Variants in PARVG observed in about 807,000 individuals in gnomAD.
PARVG encodes the protein gamma-parvin.
In PARVG, 36 loss-of-function variants were observed where a neutral mutation model predicts 44.4. The observed-to-expected ratio is 0.81, with a 90% confidence interval of 0.62 to 1.07. The LOEUF (loss-of-function observed/expected upper bound fraction) is 1.07, where lower values mean the gene tolerates loss of function less well. Among genes scored for constraint, PARVG ranks in the 50% least tolerant of loss-of-function variants. The pLI, the probability that PARVG is intolerant of heterozygous loss-of-function variation, is 0.00. For synonymous variants in PARVG, 170 were observed against 174.1 expected (o/e 0.98, Z 0.19); for missense variants, 407 against 407.4 (o/e 1.00, Z 0.01).
chr22:44,189,634 T>C (rs2054521566), intron 6 of PARVG, among the ~76,000 whole-genome samples: 1 of 152,178 alleles, frequency 6.6e-6, no homozygotes, highest in Admixed American at 6.5e-5. Flanking sequence ...TGAGTGTGCC[T>C]GGTCGGGTGT....
intron 3 of PARVG, chr22:44,184,178 G>A (rs1022532690): frequency 4.7e-4 from 72 of 152,608 alleles, no homozygotes; most frequent in African/African-American, 1.6e-3. Flanking sequence ...AGGAAGCAGC[G>A]AGATGTCCCA....
At chr22:44,188,191 AC>A in intron 5 of PARVG, 2 of 386,854 alleles carry the variant, frequency 5.2e-6, no homozygotes, top group Non-Finnish European at 4.9e-6. Flanking sequence ...TAACAAAAGA[AC>A]CCATGATCCC....
chr22:44,202,134 T>G (rs1445119947), intron 12 of PARVG, among the ~76,000 whole-genome samples: 1 of 152,170 alleles, frequency 6.6e-6, no homozygotes, highest in Non-Finnish European at 1.5e-5. Context: ...AGGAAACAGT[T>G]GAGAGAGGCA....
intron 9 of PARVG, among the ~76,000 whole-genome samples, chr22:44,195,052 C>T (rs2054600553): frequency 6.6e-6 from 1 of 152,174 alleles, no homozygotes; most frequent in African/African-American, 2.4e-5. Flanking sequence ...GGGCACCTTC[C>T]CTGCAGAGGT....
At chr22:44,183,094 C>CGCCCTCAGCTTCTGTGCCT (rs1569177691) in intron 2 of PARVG, 2 of 521,062 alleles carry the variant, frequency 3.8e-6, no homozygotes, top group Non-Finnish European at 6.7e-6. Flanking sequence ...TGGCTGTGCC[C>CGCCCTCAGCTTCTGTGCCT]GCCCTCAGCT....
intron 5 of PARVG, chr22:44,188,109 G>A: frequency 1.7e-6 from 1 of 581,992 alleles, no homozygotes; most frequent in Non-Finnish European, 3.1e-6. Context: ...GCCAGGGTTG[G>A]TGCTCTTTCT....
intron 2 of PARVG, chr22:44,183,045 T>C (rs1309279456): frequency 2.6e-5 from 12 of 458,502 alleles, no homozygotes; most frequent in Non-Finnish European, 4.2e-5. Context: ...GCTCTGCACC[T>C]GCCTGAGGAA....
rs1007719712 is a variant in PARVG at position 44,182,666 on chromosome 22, C to T, written c.-12-652C>T. On this transcript the variant is annotated intron_variant, in intron 2 of 13. Coordinates refer to ENST00000444313, the MANE Select transcript of PARVG (RefSeq NM_022141.7). The surrounding 1 kb of genome is among the most constrained non-coding windows in gnomAD (Gnocchi z 4.6). ...AGGGAGGAAGAGGGAGGCCAGAAGG[C>T]GCCAGCCGAGCCAGCGAAGCCTTCA... Among the ~76,000 whole-genome samples the T allele has an allele frequency of 1.3e-5, 2 of 152,268 alleles. No individual in the cohort carries two copies. Among genetic ancestry groups the T allele is most frequent in the Middle Eastern group, 3.4e-3 (1 of 294 alleles).
chr22:44,185,655 C>T (rs1361942667), intron 3 of PARVG, 153 bp from the exon 4 acceptor site: 3 of 607,482 alleles, frequency 4.9e-6, no homozygotes, highest in Non-Finnish European at 8.9e-6. Flanking sequence ...AGCTGGTGTT[C>T]GTGAGGGAAA....
At chr22:44,187,529 A>G in intron 4 of PARVG, 1 of 567,800 alleles carries the variant, frequency 1.8e-6, no homozygotes, top group Non-Finnish European at 3.2e-6. Flanking sequence ...CTAAAACCTC[A>G]CACATGATAA....
Position 44,206,779 on chromosome 22 carries a change from G to A in PARVG, c.*353G>A, listed in dbSNP as rs977857589. The A allele has an allele frequency of 5.2e-5, 15 of 287,790 alleles. No homozygotes were observed. Among genetic ancestry groups the A allele is most frequent in the Admixed American group, 4.2e-4 (8 of 19,170 alleles). 17.8% of individuals were successfully genotyped at this position (287,790 alleles called of 1,614,324 possible). ...CAGGCTAGTGACCGCCCAGAGAGGTGGCATCACTCAGGGCTGGGGACTCTC... is the reference window on the plus strand; with the variant it reads ...CAGGCTAGTGACCGCCCAGAGAGGTAGCATCACTCAGGGCTGGGGACTCTC... On this transcript the variant is annotated 3_prime_UTR_variant, in exon 14 of 14. Transcript: ENST00000444313.
chr22:44,173,083 A>G, exon 1 of PARVG: 3 of 1,289,646 alleles, frequency 2.3e-6, no homozygotes, highest in Non-Finnish European at 3.0e-6. Flanking sequence ...ATTGGACAGG[A>G]GCTGGGGGAA....
intron 5 of PARVG, chr22:44,188,606 A>G (rs1167521508): frequency 1.2e-5 from 2 of 163,456 alleles, no homozygotes; most frequent in Non-Finnish European, 2.7e-5. Context: ...GGTGCAGTTC[A>G]TCCTCAGAAT....
intron 13 of PARVG, 24 bp from the exon 14 acceptor site, chr22:44,206,293 G>A (rs774474956): frequency 3.2e-6 from 5 of 1,577,942 alleles, no homozygotes; most frequent in Admixed American, 1.7e-5. Flanking sequence ...CTGACTGGCT[G>A]CCCTGCCCTC....
intron 13 of PARVG, 82 bp downstream of exon 13, chr22:44,205,911 A>T (rs2054774685): frequency 6.7e-7 from 1 of 1,487,020 alleles, no homozygotes; most frequent in Non-Finnish European, 9.2e-7. Context: ...GGTGCAGGGC[A>T]TTGGGGGATG....
chr22:44,181,634 C>G lies in PARVG; in HGVS notation c.-188-108C>G, dbSNP rs967262422. ...TTGAGTTTAAGTGGCCTGCAGAACC[C>G]CGGGGGCCCAGGCGGCACGGCGGGC... On this transcript the variant is annotated intron_variant, in intron 1 of 13. Transcript: ENST00000444313. 8 of 865,818 alleles carry G rather than the reference C, an allele frequency of 9.2e-6. No homozygotes were observed. In the South Asian group the frequency reaches 3.7e-4, roughly 40 times the overall value. The allele number at this position is 865,818 out of a possible 1,614,324, so 53.6% of individuals were successfully genotyped here. A position where few individuals can be genotyped will look rare whatever the true frequency, so the allele number is the denominator to read the frequency against.
rs1489774479 is a variant in PARVG, at chr22:44,189,376, G to C, written c.388+122G>C. The C allele has an allele frequency of 2.1e-6, 3 of 1,431,554 alleles. No individual in the cohort carries two copies. The African/African-American group carries it at 4.3e-5, about 20-fold the overall frequency. The allele number at this position is 1,431,554 out of a possible 1,614,324, so 88.7% of individuals were successfully genotyped here. A position where few individuals can be genotyped will look rare whatever the true frequency, so the allele number is the denominator to read the frequency against. ...TTCTCCCAGCAGGGGTACAACCTGG[G>C]AGTCAGGAAGGAGGTAGAAGCCTCA... On this transcript the variant is annotated intron_variant, in intron 6 of 13. Transcript: ENST00000444313.
chr22:44,192,322 C>T (rs2054559316), intron 8 of PARVG, among the ~76,000 whole-genome samples: 1 of 152,146 alleles, frequency 6.6e-6, no homozygotes, highest in Admixed American at 6.5e-5. Flanking sequence ...CTGGCCCCTC[C>T]CAGCCACCCT....
chr22:44,190,459 G>A, intron 6 of PARVG, 92 bp from the exon 7 acceptor site: 1 of 934,296 alleles, frequency 1.1e-6, no homozygotes, highest in Non-Finnish European at 1.8e-6. Flanking sequence ...TCCTTGGTCT[G>A]CAGATGGTTG....
Sources: gnomAD v4.1 joint callset for allele counts (sites outside exome capture counted in the v4.1 genomes callset) on GRCh38, gnomAD v4.1.1 for gene constraint, Gnocchi (gnomAD v3.1) non-coding constraint, MANE v1.5 for transcripts, NCBI Gene and HGNC (gene_info 2026-07-23, HGNC 2026-07-21) for gene names.